The following RFX1 variants were observed in gnomAD, a reference collection of about 807,000 sequenced individuals.
RFX1 encodes the protein regulatory factor X1.
RFX1 carries 42 observed loss-of-function variants against 119.6 expected under a neutral mutation model. The observed-to-expected ratio is 0.35, with a 90% CI of 0.27 to 0.45. The LOEUF (loss-of-function observed/expected upper bound fraction) is 0.45. Ranked by LOEUF, RFX1 falls within the 20% of genes least tolerant of loss-of-function variation. The probability of loss-of-function intolerance (pLI) is 1.00; values close to 1 mark genes in which losing one functional copy is unlikely to be tolerated. For missense variants in RFX1, 1,118 were observed against 1,368.1 expected (o/e 0.82, Z 2.88); for synonymous variants, 628 against 618.5 (o/e 1.02, Z -0.23).
rs779967209 is a variant in RFX1 at position 13,966,404 on chromosome 19, C to T, written c.1961+17G>A. Reference sequence around the variant, plus strand: ...TCCTCCCCCCTCTCCCTCCCACAGTCGCCGGGCAGTACTCACACAGCCAGC... The same window carrying T: ...TCCTCCCCCCTCTCCCTCCCACAGTTGCCGGGCAGTACTCACACAGCCAGC... On this transcript the variant is annotated intron_variant, in intron 14 of 20. Transcript: ENST00000254325. The surrounding 1 kb of genome is among the most constrained non-coding windows in gnomAD (Gnocchi z 6.3). 97 of 1,552,212 alleles carry T rather than the reference C, an allele frequency of 6.2e-5. 2 individuals are homozygous for T. The South Asian group carries it at 8.5e-4, about 14-fold the overall frequency.
chr19:13,963,521 T>G lies in RFX1; in HGVS notation c.2570+17A>C. The G allele has an allele frequency of 6.3e-7, 1 of 1,592,196 alleles. No individual in the cohort carries two copies. Among genetic ancestry groups the G allele is most frequent in the Non-Finnish European group, 8.5e-7 (1 of 1,174,420 alleles). On this transcript the variant is annotated intron_variant, in intron 18 of 20. Coordinates refer to ENST00000254325, the MANE Select transcript of RFX1 (RefSeq NM_002918.5). The stretch of plus-strand genomic sequence containing the variant: ...CTTCCCTGGTGCCGCCCGGACCCGA[T>G]CCCGCCGCGCGCGCACCTGTAGAAG...
rs766594003 is a variant in RFX1, at chr19:13,968,534, G to C, written c.1732+31C>G. The C allele has an allele frequency of 6.4e-7, 1 of 1,556,208 alleles. No individual in the cohort carries two copies. The highest frequency in any genetic ancestry group is 1.1e-5 in the South Asian group (1 of 89,934). ...GTCTGCACGGGGCAGGGAGGCGGTGGTTGGGGAAGCACGGGCCAGGGAGCT... is the reference window on the plus strand; with the variant it reads ...GTCTGCACGGGGCAGGGAGGCGGTGCTTGGGGAAGCACGGGCCAGGGAGCT... On this transcript the variant is annotated intron_variant, in intron 12 of 20. Coordinates refer to ENST00000254325, the MANE Select transcript of RFX1 (RefSeq NM_002918.5). The surrounding 1 kb of genome is among the most constrained non-coding windows in gnomAD (Gnocchi z 5.5).
chr19:13,967,303 C>T (rs1265743558), intron 12 of RFX1, among the ~76,000 whole-genome samples: 1 of 151,818 alleles, frequency 6.6e-6, no homozygotes, highest in Non-Finnish European at 1.5e-5. Flanking sequence ...GTTTACTTAG[C>T]ATCCTTTGGC....
At chr19:13,977,332 G>A (rs1974280045) in intron 8 of RFX1, among the ~76,000 whole-genome samples, 1 of 151,352 alleles carries the variant, frequency 6.6e-6, no homozygotes, top group Non-Finnish European at 1.5e-5. Flanking sequence ...ATGGATAGAG[G>A]GCTAGAGTTT....
intron 1 of RFX1, among the ~76,000 whole-genome samples, chr19:13,995,563 G>A (rs11668156): frequency 1.1e-4 from 16 of 152,256 alleles, no homozygotes; most frequent in South Asian, 2.1e-4. Flanking sequence ...GAACAGGGCC[G>A]GCCTTGGCCA....
intron 4 of RFX1, 59 bp from the exon 5 acceptor site, chr19:13,982,287 C>T (rs1315584371): frequency 1.3e-5 from 12 of 943,452 alleles, no homozygotes; most frequent in Middle Eastern, 2.8e-4. Flanking sequence ...GCAGTTGCAC[C>T]GAGCATCTGC....
Position 13,973,038 on chromosome 19 carries a change from T to C in RFX1, c.1019A>G (p.Gln340Arg), listed in dbSNP as rs749920960. The C allele has an allele frequency of 1.2e-6, 2 of 1,601,586 alleles. No homozygotes were observed. Among genetic ancestry groups the C allele is most frequent in the East Asian group, 2.2e-5 (1 of 44,858 alleles). Residue 340 changes from glutamine (Q) to arginine (R), a missense_variant, in exon 9 of 21, where the codon CAG becomes CGG. This residue lies in a region of RFX1 where 542 missense variants were observed against 602.7 expected (regional missense o/e 0.90). Coordinates refer to ENST00000254325, the MANE Select transcript of RFX1 (RefSeq NM_002918.5). ...SYYEAAGTAT[Q>R]VSTPATSQAV... The stretch of plus-strand genomic sequence containing the variant: ...CTGGGAGGTGGCGGGGGTGCTGACC[T>C]GGGTGGCCGTGCCTGCGGCCTCGTA...
At position 14,002,078 on chromosome 19, in the gene RFX1, G is replaced by A. The variant is rs137997658; in HGVS notation, c.-53+4025C>T. ...TTGAACCTGGGAGGTGGAGGTTGCG[G>A]TGAGCCAAGATTGCGCCATTGCATT... On this transcript the variant is annotated intron_variant, in intron 1 of 20. Transcript: ENST00000254325. 4.9e-3 allele frequency among the ~76,000 whole-genome samples: 739 copies of A among 152,174 alleles called. 1 individual carries two copies. The highest frequency in any genetic ancestry group is 0.017 in the African/African-American group (710 of 41,508).
intron 17 of RFX1, 55 bp downstream of exon 17, chr19:13,963,803 G>A: frequency 6.7e-7 from 1 of 1,496,998 alleles, no homozygotes. Context: ...CCCCCGCCTG[G>A]CCCGCCCCGT....
Position 13,979,546 on chromosome 19 carries a change from G to C in RFX1, c.739-4C>G, listed in dbSNP as rs1974364256. ...GAGTGGCCTGGACCACAGATCTCTG[G>C]GAGGGGAAAGGCAACAATAAGATGA... is the stretch of plus-strand genomic sequence containing the variant. On this transcript the variant is annotated splice_region_variant and splice_polypyrimidine_tract_variant and intron_variant, in intron 6 of 20. Coordinates refer to ENST00000254325, the MANE Select transcript of RFX1 (RefSeq NM_002918.5). 6.3e-7 allele frequency: 1 copy of C among 1,579,136 alleles called. No individual in the cohort carries two copies. The highest frequency in any genetic ancestry group is 2.3e-5 in the East Asian group (1 of 42,954).
In RFX1 at chr19:13,993,599, G is replaced by C; in HGVS notation, c.245C>G (p.Pro82Arg). The change falls in exon 2 of 21, where the codon CCC (proline) becomes CGC (arginine). Residue 82 changes from proline (P) to arginine (R), a missense_variant. By Grantham distance (103) the Pro-to-Arg change is moderately radical. Coordinates refer to ENST00000254325, the MANE Select transcript of RFX1 (RefSeq NM_002918.5). ...KQYVTELPAV[P>R]APSQPTGAPT... ...TGCACCGGTTGGCTGCGAGGGTGCG[G>C]GTACAGCCGGGAGCTCCGTCACGTA... The C allele has an allele frequency of 6.2e-7, 1 of 1,612,024 alleles. No homozygotes were observed. Among genetic ancestry groups the C allele is most frequent in the Non-Finnish European group, 8.5e-7 (1 of 1,179,086 alleles).
At position 13,984,312 on chromosome 19, in the gene RFX1, G is replaced by A. The variant is rs191011392; in HGVS notation, c.320-717C>T. Among the ~76,000 whole-genome samples the A allele has an allele frequency of 1.3e-4, 20 of 151,520 alleles. 1 individual carries two copies. In the Middle Eastern group the frequency reaches 0.01, roughly 78 times the overall value. ...CTGCCTCTATAGAACAGCAGGGTGT[G>A]CAGGTGGCTTTATACCCACGACCTT... On this transcript the variant is annotated intron_variant, in intron 2 of 20. Coordinates refer to ENST00000254325, the MANE Select transcript of RFX1 (RefSeq NM_002918.5).
Position 13,965,872 on chromosome 19 carries a change from G to T in RFX1, c.1962-95C>A. 2 of 1,411,132 alleles carry T rather than the reference G, an allele frequency of 1.4e-6. No homozygotes were observed. The highest frequency in any genetic ancestry group is 1.4e-5 in the African/African-American group (1 of 71,302). The allele number at this position is 1,411,132 out of a possible 1,614,324, so 87.4% of individuals were successfully genotyped here. On this transcript the variant is annotated intron_variant, in intron 14 of 20. Transcript: ENST00000254325. This position sits in a 1 kb window ranked among gnomAD's most constrained non-coding sequence, Gnocchi z 4.7. ...CAGGTAGCCCCTGTCCCTGACCCAGGGTCACTGGGGTACTCTGTGGTTCTA... is the reference window on the plus strand; with the variant it reads ...CAGGTAGCCCCTGTCCCTGACCCAGTGTCACTGGGGTACTCTGTGGTTCTA...
chr19:13,973,804 AT>A (rs1415350683), intron 8 of RFX1, among the ~76,000 whole-genome samples: 2 of 151,720 alleles, frequency 1.3e-5, no homozygotes, highest in Non-Finnish European at 2.9e-5. Context: ...TAATTTTTGT[AT>A]TTTTTTAGTA....
At chr19:13,978,858 G>C (rs1974339823) in intron 7 of RFX1, among the ~76,000 whole-genome samples, 1 of 152,124 alleles carries the variant, frequency 6.6e-6, no homozygotes, top group African/African-American at 2.4e-5. Context: ...GTGGCTCGAA[G>C]ACCACTTTCT....
In RFX1 at chr19:13,980,697, G is replaced by A; in HGVS notation, c.622-8C>T. ...GGCCTGCACCGGCGACTGCTGTAAG[G>A]GAAGGAGACACAGGAGTGCCGCTGG... On this transcript the variant is annotated splice_polypyrimidine_tract_variant and splice_region_variant and intron_variant, in intron 5 of 20. Transcript: ENST00000254325. The surrounding 1 kb of genome is among the most constrained non-coding windows in gnomAD (Gnocchi z 5.1). The A allele has an allele frequency of 8.4e-7, 1 of 1,195,850 alleles. No individual in the cohort carries two copies. The allele number at this position is 1,195,850 out of a possible 1,614,324, so 74.1% of individuals were successfully genotyped here.
At position 13,985,985 on chromosome 19, in the gene RFX1, C is replaced by A. The variant is rs1478394382; in HGVS notation, c.320-2390G>T. Among the ~76,000 whole-genome samples the A allele has an allele frequency of 1.3e-5, 2 of 152,204 alleles. No homozygotes were observed. The highest frequency in any genetic ancestry group is 2.4e-5 in the African/African-American group (1 of 41,446). On this transcript the variant is annotated intron_variant, in intron 2 of 20. Coordinates refer to ENST00000254325, the MANE Select transcript of RFX1 (RefSeq NM_002918.5). This position sits in a 1 kb window ranked among gnomAD's most constrained non-coding sequence, Gnocchi z 4.3. ...CCTGCCTGACCAGCTACCTGTGCAG[C>A]CAATTCCACAGGCCCTAATCCCTGT...
chr19:13,979,498 C>G lies in RFX1; in HGVS notation c.783G>C (p.Pro261=). 1 of 1,602,968 alleles carries G rather than the reference C, an allele frequency of 6.2e-7. No homozygotes were observed. Among genetic ancestry groups the G allele is most frequent in the Non-Finnish European group, 8.5e-7 (1 of 1,173,998 alleles). Residue 261 remains proline (P), a synonymous_variant, in exon 7 of 21, where the codon CCG becomes CCC. Coordinates refer to ENST00000254325, the MANE Select transcript of RFX1 (RefSeq NM_002918.5). ...GGCCCTGCACGGTCAGCGGCTGCAC[C>G]GGGCCGGGTTTGGGCGCTTGTGGAG... is the stretch of plus-strand genomic sequence containing the variant. ...QATPQAPKPG[P]VQPLTVQGLQ... is the part of the protein sequence containing the mutation.
chr19:13,964,642 G>A (rs61643723), intron 16 of RFX1, among the ~76,000 whole-genome samples: 5,551 of 151,974 alleles, frequency 0.037, 362 homozygotes, highest in African/African-American at 0.12. Flanking sequence ...CCACCACGCC[G>A]GGCTAATTTT....
Sources: gnomAD v4.1 joint callset for allele counts (sites outside exome capture counted in the v4.1 genomes callset) on GRCh38, gnomAD v4.1.1 for gene constraint, gnomAD v4.1.1 regional missense constraint, Gnocchi (gnomAD v3.1) non-coding constraint, MANE v1.5 for transcripts, NCBI Gene and HGNC (gene_info 2026-07-23, HGNC 2026-07-21) for gene names.